ESD: variants seen among roughly 807,000 people sequenced by gnomAD.
ESD encodes the protein esterase D, also known as S-formylglutathione hydrolase.
Under a neutral mutation model 38.1 loss-of-function variants are expected in ESD, and 34 were observed. That is an observed-to-expected ratio of 0.89 (90% CI 0.68 to 1.19). ESD has a LOEUF of 1.19. Among genes scored for constraint, ESD ranks in the 50% most tolerant of loss-of-function variants. The probability of loss-of-function intolerance (pLI) is 0.00; values close to 1 mark genes in which losing one functional copy is unlikely to be tolerated. For synonymous variants in ESD, 97 were observed against 107.0 expected (o/e 0.91, Z 0.58); for missense variants, 334 against 327.2 (o/e 1.02, Z -0.16).
chr13:46,781,352 C>T (rs937203337), intron 7 of ESD, 144 bp downstream of exon 7: 6 of 586,184 alleles, frequency 1.0e-5, no homozygotes, highest in African/African-American at 9.7e-5. Context: ...AAATTAAATA[C>T]CCACCCTTCA....
At chr13:46,792,713 T>C (rs1208478895) in intron 2 of ESD, among the ~76,000 whole-genome samples, 1 of 152,026 alleles carries the variant, frequency 6.6e-6, no homozygotes, top group African/African-American at 2.4e-5. Flanking sequence ...CTATAAAAGA[T>C]TAATTCTTAA....
In ESD at chr13:46,791,082, G is replaced by A. The variant is rs146088040; in HGVS notation, c.68+264C>T. On this transcript the variant is annotated intron_variant, in intron 3 of 9. Coordinates refer to ENST00000378720, the MANE Select transcript of ESD (RefSeq NM_001984.2). ...GAAAATGTTTTCAGAATTTTTACTGGCAACATAAGCATTTTCATAAAGTTT... is the reference window on the plus strand; with the variant it reads ...GAAAATGTTTTCAGAATTTTTACTGACAACATAAGCATTTTCATAAAGTTT... 1.2e-3 allele frequency among the ~76,000 whole-genome samples: 178 copies of A among 152,142 alleles called. 4 individuals are homozygous for A. In the East Asian group the frequency reaches 0.032, roughly 27 times the overall value.
In ESD at chr13:46,780,002, G is replaced by A. The variant is rs1480139397; in HGVS notation, c.533C>T (p.Pro178Leu). ...SVSAFAPICN[P>L]VLCPWGKKAF... is the part of the protein sequence containing the mutation. ...TTTTTTGCCCCAGGGACAGAGTACA[G>A]GGTTGCAAATTGGAGCAAATGCTGA... is the stretch of plus-strand genomic sequence containing the variant. Residue 178 changes from proline (P) to leucine (L), a missense_variant, in exon 8 of 10, where the codon CCT (proline) becomes CTT (leucine). Transcript: ENST00000378720. The A allele has an allele frequency of 4.4e-6, 7 of 1,602,012 alleles. No homozygotes were observed. Among genetic ancestry groups the A allele is most frequent in the African/African-American group, 2.7e-5 (2 of 74,320 alleles).
intron 1 of ESD, 56 bp from the exon 2 acceptor site, chr13:46,793,500 T>C (rs1875466381): frequency 6.6e-6 from 1 of 152,614 alleles, no homozygotes; most frequent in African/African-American, 2.4e-5. Context: ...GCAAAGGTTA[T>C]ACAGAGCTTT....
chr13:46,786,761 T>C lies in ESD; in HGVS notation c.157+260A>G, dbSNP rs375619220. ...AGGTCCAAATTAAGTAAATAAGTTT[T>C]CTAAGCCCTTGCTATTGAGTACAGA... On this transcript the variant is annotated intron_variant, in intron 4 of 9. Transcript: ENST00000378720. Among the ~76,000 whole-genome samples the C allele has an allele frequency of 2.9e-4, 44 of 152,098 alleles. No individual in the cohort carries two copies. The East Asian group carries it at 8.1e-3, about 28-fold the overall frequency.
At chr13:46,788,243 T>C (rs1257087650) in intron 3 of ESD, among the ~76,000 whole-genome samples, 2 of 152,100 alleles carry the variant, frequency 1.3e-5, no homozygotes, top group African/African-American at 4.8e-5. Context: ...AAAGGCCCCA[T>C]CATGGGAAGT....
chr13:46,782,172 C>A (rs924730678), intron 6 of ESD, among the ~76,000 whole-genome samples: 1 of 151,370 alleles, frequency 6.6e-6, no homozygotes, highest in Non-Finnish European at 1.5e-5. Flanking sequence ...CTGGAACATA[C>A]CAAAACATAA....
chr13:46,796,281 A>G (rs963732548), intron 1 of ESD, among the ~76,000 whole-genome samples: 1 of 152,166 alleles, frequency 6.6e-6, no homozygotes, highest in African/African-American at 2.4e-5. Flanking sequence ...ACCACTTATT[A>G]CTACATGACA....
chr13:46,796,294 G>A (rs1487007962), intron 1 of ESD, among the ~76,000 whole-genome samples: 1 of 152,112 alleles, frequency 6.6e-6, no homozygotes, highest in East Asian at 1.9e-4. Context: ...ACATGACACT[G>A]GGCAAGCTAA....
At chr13:46,797,248 G>C (rs796989084), upstream of ESD, 4 of 152,312 alleles carry the variant, frequency 2.6e-5, no homozygotes, top group African/African-American at 9.7e-5. Flanking sequence ...CCGAGAACCC[G>C]CTCTTCTCCA....
intron 1 of ESD, among the ~76,000 whole-genome samples, chr13:46,794,820 C>G (rs1034104607): frequency 1.3e-5 from 2 of 152,136 alleles, no homozygotes; most frequent in Admixed American, 6.5e-5. Context: ...CAGGATCTGG[C>G]TTCTTCCCTT....
Position 46,782,760 on chromosome 13 carries a change from G to C in ESD, c.288C>G (p.Ser96Arg), listed in dbSNP as rs534854590. 9 of 1,612,272 alleles carry C rather than the reference G, an allele frequency of 5.6e-6. No homozygotes were observed. In the African/African-American group the frequency reaches 1.2e-4, roughly 22 times the overall value. ...RGCNIKGEDE[S>R]WDFGTGAGFY... is the part of the protein sequence containing the mutation. ...ATCCAGCACCAGTGCCAAAGTCCCA[G>C]CTCTCATCTTCACCTTTAATATTGC... The change falls in exon 6 of 10, where the codon AGC (serine) becomes AGG (arginine). Residue 96 changes from serine to arginine, a missense_variant. Transcript: ENST00000378720.
intron 5 of ESD, among the ~76,000 whole-genome samples, chr13:46,783,612 T>C (rs73193055): frequency 0.11 from 16,185 of 151,988 alleles, 1,189 homozygotes; most frequent in East Asian, 0.4. Context: ...GTTATATTTC[T>C]AACCAGATAT....
chr13:46,785,581 G>C (rs1875165750), intron 4 of ESD: 2 of 151,920 alleles, frequency 1.3e-5, no homozygotes, highest in Non-Finnish European at 2.9e-5. Flanking sequence ...CCTTAGACTT[G>C]CTGGGAAGTA....
intron 9 of ESD, chr13:46,777,196 C>T (rs931420762): frequency 9.5e-5 from 24 of 251,680 alleles, no homozygotes; most frequent in Non-Finnish European, 1.8e-4. Flanking sequence ...AATCATCATT[C>T]AAGCATTAAA....
At position 46,777,533 on chromosome 13, in the gene ESD, C is replaced by T. The variant is rs201107452; in HGVS notation, c.691G>A (p.Asp231Asn). The T allele has an allele frequency of 6.2e-7, 1 of 1,611,452 alleles. No individual in the cohort carries two copies. Among genetic ancestry groups the T allele is most frequent in the East Asian group, 2.2e-5 (1 of 44,764 alleles). The change falls in exon 9 of 10, where the codon GAT (aspartate) becomes AAT (asparagine). Residue 231 changes from aspartate to asparagine, a missense_variant. By Grantham distance (23) the Asp-to-Asn change is conservative (BLOSUM62 1). Coordinates refer to ENST00000378720, the MANE Select transcript of ESD (RefSeq NM_001984.2). The part of the protein sequence containing the change: ...DQGKDDQFLL[D>N]GQLLPDNFIA... ...AAGTTATCAGGGAGTAACTGTCCAT[C>T]TAAAAGAAACTGGTCATCTTTCCCT... is the stretch of plus-strand genomic sequence containing the variant.
intron 3 of ESD, 121 bp from the exon 4 acceptor site, chr13:46,787,230 A>C: frequency 2.0e-6 from 1 of 499,958 alleles, no homozygotes; most frequent in Non-Finnish European, 3.4e-6. Flanking sequence ...TAAGTTATTT[A>C]ATGTTCAAAA....
chr13:46,786,233 T>C (rs1593409006), intron 4 of ESD, among the ~76,000 whole-genome samples: 1 of 152,024 alleles, frequency 6.6e-6, no homozygotes, highest in African/African-American at 2.4e-5. Context: ...CCCTTTAAGA[T>C]GAAATATTTA....
At chr13:46,782,011 A>G (rs1414091913) in intron 6 of ESD, among the ~76,000 whole-genome samples, 2 of 151,986 alleles carry the variant, frequency 1.3e-5, no homozygotes, top group East Asian at 1.9e-4. Context: ...TAAGTATTCT[A>G]TAAGAGGAAA....
Sources: allele counts gnomAD v4.1 joint callset (sites outside exome capture counted in the v4.1 genomes callset), GRCh38; gene constraint gnomAD v4.1.1; transcripts MANE v1.5; gene names NCBI Gene and HGNC (gene_info 2026-07-23, HGNC 2026-07-21).